Variants in DLG5 observed in about 807,000 individuals in gnomAD.
DLG5 encodes discs large MAGUK scaffold protein 5, also known as disks large homolog 5.
Under a neutral mutation model 189.8 loss-of-function variants are expected in DLG5, and 48 were observed. The observed-to-expected ratio is 0.25, with a 90% CI of 0.20 to 0.32. The LOEUF (loss-of-function observed/expected upper bound fraction) is 0.32, where lower values mean the gene tolerates loss of function less well. DLG5 is among the 10% of genes least tolerant of loss of function. The pLI, the probability that DLG5 is intolerant of heterozygous loss-of-function variation, is 1.00. For synonymous variants in DLG5, 1,016 were observed against 1,054.1 expected (o/e 0.96, Z 0.70); for missense variants, 2,160 against 2,544.7 (o/e 0.85, Z 3.25).
At chr10:77,896,196 C>A (rs1845754015) in intron 1 of DLG5, among the ~76,000 whole-genome samples, 1 of 151,612 alleles carries the variant, frequency 6.6e-6, no homozygotes, top group South Asian at 2.1e-4. Flanking sequence ...ACAACGTGTT[C>A]TAACAAAGAT....
intron 1 of DLG5, among the ~76,000 whole-genome samples, chr10:77,888,927 C>T (rs1398591153): frequency 7.2e-6 from 1 of 139,632 alleles, no homozygotes; most frequent in Non-Finnish European, 1.6e-5. Context: ...TTCAAATCTC[C>T]AAACGTCTCC....
In DLG5 at chr10:77,843,361, T is replaced by C. The variant is rs1045929984; in HGVS notation, c.1124+86A>G. On this transcript the variant is annotated intron_variant, in intron 6 of 31. Transcript: ENST00000372391. ...GCATTTTTTGATTGAAAAAGCACAA[T>C]AACTCATGCTGTTCTCATCCCCTGG... 4 of 1,479,516 alleles carry C rather than the reference T, an allele frequency of 2.7e-6. No individual in the cohort carries two copies. In the African/African-American group the frequency reaches 5.6e-5, roughly 21 times the overall value. The allele number at this position is 1,479,516 out of a possible 1,614,324, so 91.6% of individuals were successfully genotyped here. A position where few individuals can be genotyped will look rare whatever the true frequency, so the allele number is the denominator to read the frequency against.
At chr10:77,823,782 C>T (rs1480450263) in intron 14 of DLG5, among the ~76,000 whole-genome samples, 1 of 152,116 alleles carries the variant, frequency 6.6e-6, no homozygotes, top group Non-Finnish European at 1.5e-5. Context: ...CCACCCGCCT[C>T]CCAAAGTGCT....
intron 1 of DLG5, among the ~76,000 whole-genome samples, chr10:77,879,226 G>A (rs1197843380): frequency 2.6e-5 from 4 of 152,178 alleles, no homozygotes; most frequent in Non-Finnish European, 5.9e-5. Flanking sequence ...TAGAGGAAGC[G>A]TGGAGTGCCA....
intron 1 of DLG5, among the ~76,000 whole-genome samples, chr10:77,896,884 G>A (rs1452564703): frequency 1.3e-5 from 2 of 151,824 alleles, no homozygotes; most frequent in African/African-American, 4.8e-5. Context: ...CTAAACAAGT[G>A]TTTATCGTAC....
At chr10:77,802,994 G>A (rs771868558) in intron 27 of DLG5, among the ~76,000 whole-genome samples, 30 of 152,182 alleles carry the variant, frequency 2.0e-4, no homozygotes, top group Non-Finnish European at 4.4e-4. Flanking sequence ...GAATTATCAG[G>A]GAAGTGGCCA....
At chr10:77,802,313 C>T (rs113269831) in intron 27 of DLG5, among the ~76,000 whole-genome samples, 1,584 of 152,320 alleles carry the variant, frequency 0.01, 27 homozygotes, top group African/African-American at 0.035. Context: ...CCAAGTAAAA[C>T]ATCCACCAAT....
In DLG5 at chr10:77,819,363, G is replaced by A; in HGVS notation, c.3629C>T (p.Pro1210Leu). The stretch of plus-strand genomic sequence containing the variant: ...GGGGCCAGCATCTCGGGCCGCAGGT[G>A]GAGAGCTGCAGGGGCCGACCCTGTG... ...RSHRVGPCSS[P>L]PAARDAGPQG... Residue 1210 changes from proline (P) to leucine (L), a missense_variant, in exon 17 of 32, where the codon CCA (proline) becomes CTA (leucine). Physicochemically the swap from Pro to Leu is moderately conservative, Grantham distance 98 (BLOSUM62 -3). Coordinates refer to ENST00000372391, the MANE Select transcript of DLG5 (RefSeq NM_004747.4). 1 of 1,614,094 alleles carries A rather than the reference G, an allele frequency of 6.2e-7. No individual in the cohort carries two copies. Among genetic ancestry groups the A allele is most frequent in the Non-Finnish European group, 8.5e-7 (1 of 1,180,028 alleles).
intron 29 of DLG5, 96 bp downstream of exon 29, chr10:77,795,965 A>G (rs976532970): frequency 5.1e-6 from 8 of 1,575,246 alleles, no homozygotes; most frequent in Non-Finnish European, 5.2e-6. Context: ...TGAAGGTCTG[A>G]GCCGCTGGGG....
chr10:77,923,870 T>G (rs1846608411), intron 1 of DLG5, among the ~76,000 whole-genome samples: 1 of 129,566 alleles, frequency 7.7e-6, no homozygotes, highest in Non-Finnish European at 1.6e-5. Context: ...AACTTTTTTC[T>G]TTCTTTTTTT....
intron 22 of DLG5, 101 bp from the exon 23 acceptor site, chr10:77,811,335 T>C: frequency 6.9e-7 from 1 of 1,448,326 alleles, no homozygotes. Flanking sequence ...GGGGACCAGG[T>C]CACATAGCCC....
intron 18 of DLG5, 100 bp downstream of exon 18, chr10:77,817,677 C>A: frequency 2.0e-6 from 2 of 1,024,534 alleles, no homozygotes; most frequent in Non-Finnish European, 2.9e-6. Flanking sequence ...GTGACAGGAG[C>A]TCGTGTGGGG....
intron 1 of DLG5, among the ~76,000 whole-genome samples, chr10:77,902,924 T>C (rs1476140483): frequency 6.6e-6 from 1 of 151,530 alleles, no homozygotes; most frequent in Non-Finnish European, 1.5e-5. Context: ...TGAGCATCCC[T>C]CATTCTGGGC....
At chr10:77,792,632 G>A in intron 31 of DLG5, 89 bp from the exon 32 acceptor site, 2 of 1,224,120 alleles carry the variant, frequency 1.6e-6, no homozygotes, top group Non-Finnish European at 2.4e-6. Flanking sequence ...TCTTTCTACT[G>A]TGTGGCTGTC....
chr10:77,821,720 C>T lies in DLG5; in HGVS notation c.2764G>A (p.Glu922Lys), dbSNP rs762801279. 30 of 1,611,182 alleles carry T rather than the reference C, an allele frequency of 1.9e-5. No homozygotes were observed. The highest frequency in any genetic ancestry group is 2.2e-5 in the East Asian group (1 of 44,842). Residue 922 changes from glutamate (E) to lysine (K), a missense_variant, in exon 15 of 32, where the codon GAG becomes AAG. Around this residue, in one of 5 missense-constraint regions of DLG5, gnomAD observed 754 missense variants for 746.5 expected, o/e 1.01. Transcript: ENST00000372391. ...GRRPLLPFET[E>K]VGPCGVGEAS... is the part of the protein sequence containing the mutation. ...TCCCCAACCCCACAGGGGCCCACCT[C>T]GGTCTCAAAGGGCAGCAGTGGCCGC... is the stretch of plus-strand genomic sequence containing the variant.
intron 2 of DLG5, chr10:77,868,852 G>A (rs1844791009): frequency 4.2e-6 from 2 of 476,456 alleles, no homozygotes; most frequent in Non-Finnish European, 3.8e-6. Flanking sequence ...GTTGGGGTGG[G>A]GATGGTGGGT....
intron 13 of DLG5, among the ~76,000 whole-genome samples, chr10:77,827,066 C>A (rs550448177): frequency 6.6e-6 from 1 of 152,252 alleles, no homozygotes; most frequent in South Asian, 2.1e-4. Flanking sequence ...TTGAAAGTGT[C>A]TGGGACATAA....
intron 1 of DLG5, among the ~76,000 whole-genome samples, chr10:77,883,656 G>A (rs1845349175): frequency 6.6e-6 from 1 of 151,198 alleles, no homozygotes; most frequent in South Asian, 2.1e-4. Flanking sequence ...TGGATCTATG[G>A]ACCCCCTAAA....
At chr10:77,910,694 G>A (rs374225494) in intron 1 of DLG5, among the ~76,000 whole-genome samples, 2 of 152,154 alleles carry the variant, frequency 1.3e-5, no homozygotes, top group South Asian at 2.1e-4. Flanking sequence ...AATGTAGGCC[G>A]GGCGTCGTGG....
Sources: gnomAD v4.1 joint callset for allele counts (sites outside exome capture counted in the v4.1 genomes callset) on GRCh38, gnomAD v4.1.1 for gene constraint, gnomAD v4.1.1 regional missense constraint, MANE v1.5 for transcripts, NCBI Gene and HGNC (gene_info 2026-07-23, HGNC 2026-07-21) for gene names.